Variants in ELFN2 observed in about 807,000 individuals in gnomAD.
ELFN2 encodes protein phosphatase 1 regulatory subunit 29.
Under a neutral mutation model 45.5 loss-of-function variants are expected in ELFN2, and 17 were observed. That is an observed-to-expected ratio of 0.37 (90% CI 0.26 to 0.56). The LOEUF (loss-of-function observed/expected upper bound fraction) is 0.56, where lower values mean the gene tolerates loss of function less well. Ranked by LOEUF, ELFN2 falls within the 20% of genes least tolerant of loss-of-function variation. The probability of loss-of-function intolerance (pLI) is 0.77; values close to 1 mark genes in which losing one functional copy is unlikely to be tolerated. For missense variants in ELFN2, 922 were observed against 1,183.2 expected (o/e 0.78, Z 3.24); for synonymous variants, 550 against 551.5 (o/e 1.00, Z 0.04).
At chr22:37,376,286 A>G (rs1311262456) in intron 2 of ELFN2, among the ~76,000 whole-genome samples, 1 of 152,054 alleles carries the variant, frequency 6.6e-6, no homozygotes, top group Admixed American at 6.5e-5. Flanking sequence ...ACAGGTGAGC[A>G]CAGGTGCAGA....
Position 37,421,500 on chromosome 22 carries a change from C to T in ELFN2, c.-613-3581G>A, listed in dbSNP as rs1487355410. On this transcript the variant is annotated intron_variant, in intron 1 of 2. Coordinates refer to ENST00000402918, the MANE Select transcript of ELFN2 (RefSeq NM_052906.5). ...CAGGTCACAAAGGGACAAGAATCAC[C>T]TGTCAAGCAAGCCCTACTGTGTGCA... Among the ~76,000 whole-genome samples, 8 of 152,182 alleles carry T rather than the reference C, an allele frequency of 5.3e-5. No individual in the cohort carries two copies. In the East Asian group the frequency reaches 1.5e-3, roughly 29 times the overall value.
rs529701060 is a variant in ELFN2, at chr22:37,406,903, C to T, written c.-463+10866G>A. Among the ~76,000 whole-genome samples, 5 of 152,348 alleles carry T rather than the reference C, an allele frequency of 3.3e-5. No homozygotes were observed. The South Asian group carries it at 1.0e-3, about 32-fold the overall frequency. Reference sequence around the variant, plus strand: ...AGTCCACTGGGCAAAGCAGGCAATGCACCCGTGGTCACCTGGACAGCCCCA... The same window carrying T: ...AGTCCACTGGGCAAAGCAGGCAATGTACCCGTGGTCACCTGGACAGCCCCA... On this transcript the variant is annotated intron_variant, in intron 2 of 2. Coordinates refer to ENST00000402918, the MANE Select transcript of ELFN2 (RefSeq NM_052906.5).
At chr22:37,365,916 A>T (rs1931195174), downstream of ELFN2, among the ~76,000 whole-genome samples, 1 of 152,254 alleles carries the variant, frequency 6.6e-6, no homozygotes, top group South Asian at 2.1e-4. Context: ...GAGCACGTGT[A>T]GCGTTTCAGG....
chr22:37,358,867 C>G (rs1231916441), intron 1 of ELFN2, among the ~76,000 whole-genome samples: 1 of 152,152 alleles, frequency 6.6e-6, no homozygotes, highest in Non-Finnish European at 1.5e-5. Context: ...TTGTCAAGAT[C>G]AAGTCAGTAT....
At chr22:37,405,089 C>CTT (rs1491573989) in intron 2 of ELFN2, among the ~76,000 whole-genome samples, 2,721 of 121,292 alleles carry the variant, frequency 0.022, 285 homozygotes, top group African/African-American at 0.087. Flanking sequence ...TGAACCTCAG[C>CTT]ATTTTTTTTT....
Position 37,347,882 on chromosome 22 carries a change from C to T in ELFN2, n.149-5179G>A, listed in dbSNP as rs182827438. On this transcript the variant is annotated intron_variant and non_coding_transcript_variant, in intron 1 of 2. Transcript: ENST00000452946. The stretch of plus-strand genomic sequence containing the variant: ...TTCAACCCCTCTGATATTTGAACCC[C>T]TTTACAGTATCCTTGCCTACAGCTC... Among the ~76,000 whole-genome samples, 15 of 152,336 alleles carry T rather than the reference C, an allele frequency of 9.8e-5. No individual in the cohort carries two copies. In the East Asian group the frequency reaches 2.9e-3, roughly 29 times the overall value.
At chr22:37,408,634 C>T (rs1932568907) in intron 2 of ELFN2, among the ~76,000 whole-genome samples, 1 of 152,240 alleles carries the variant, frequency 6.6e-6, no homozygotes, top group Non-Finnish European at 1.5e-5. Context: ...GGGCACCCGC[C>T]TGAACCAGCT....
At chr22:37,408,800 C>T (rs888990515) in intron 2 of ELFN2, among the ~76,000 whole-genome samples, 1 of 152,202 alleles carries the variant, frequency 6.6e-6, no homozygotes, top group African/African-American at 2.4e-5. Context: ...GTTTCCCCAC[C>T]TGTCAAGTAG....
rs748721475 is a variant in ELFN2 at position 37,374,139 on chromosome 22, G to A, written c.1396C>T (p.Pro466Ser). The A allele has an allele frequency of 3.1e-6, 5 of 1,613,026 alleles. No individual in the cohort carries two copies. The highest frequency in any genetic ancestry group is 4.2e-6 in the Non-Finnish European group (5 of 1,180,014). Residue 466 changes from proline (P) to serine (S), a missense_variant, in exon 3 of 3, where the codon CCC (proline) becomes TCC (serine). Pro to Ser is a moderately conservative substitution (Grantham distance 74, BLOSUM62 -1). Transcript: ENST00000402918. ...GGGATGGAGGCCATGCGAGATACGGGCAGCACGGGAGGCTCGCCCAGCTTC... is the reference window on the plus strand; with the variant it reads ...GGGATGGAGGCCATGCGAGATACGGACAGCACGGGAGGCTCGCCCAGCTTC... Reference protein sequence around the residue: ...AQKLGEPPVLPVSRMASIPSM... With the variant: ...AQKLGEPPVLSVSRMASIPSM...
At chr22:37,415,919 T>C (rs566513454) in intron 2 of ELFN2, among the ~76,000 whole-genome samples, 159 of 152,276 alleles carry the variant, frequency 1.0e-3, no homozygotes, top group African/African-American at 3.3e-3. Flanking sequence ...GCAGAGATAG[T>C]GCCACTGCAC....
At chr22:37,380,640 G>A (rs915175132) in intron 2 of ELFN2, among the ~76,000 whole-genome samples, 1 of 152,162 alleles carries the variant, frequency 6.6e-6, no homozygotes, top group African/African-American at 2.4e-5. Flanking sequence ...GCTGGCCAAG[G>A]CTCCCGGAGG....
At chr22:37,361,786 T>A (rs1161039874) in intron 1 of ELFN2, among the ~76,000 whole-genome samples, 1 of 152,196 alleles carries the variant, frequency 6.6e-6, no homozygotes, top group Non-Finnish European at 1.5e-5. Flanking sequence ...CAAATGTACC[T>A]TCACGATGAC....
intron 2 of ELFN2, among the ~76,000 whole-genome samples, chr22:37,390,471 A>G (rs958722192): frequency 6.6e-6 from 1 of 152,172 alleles, no homozygotes; most frequent in Non-Finnish European, 1.5e-5. Context: ...GCTGGCAAAG[A>G]TTCTGCAGGC....
intron 2 of ELFN2, among the ~76,000 whole-genome samples, chr22:37,414,005 G>A (rs957121404): frequency 5.3e-5 from 8 of 152,196 alleles, no homozygotes; most frequent in African/African-American, 1.9e-4. Context: ...ACCTTACCCG[G>A]CCTCCCTGGC....
intron 2 of ELFN2, among the ~76,000 whole-genome samples, chr22:37,402,559 G>T (rs1001868835): frequency 6.6e-6 from 1 of 152,202 alleles, no homozygotes; most frequent in Non-Finnish European, 1.5e-5. Flanking sequence ...GGAAACCGAG[G>T]CTCATGAGGG....
chr22:37,372,789 C>G lies in ELFN2; in HGVS notation c.*283G>C, dbSNP rs1931409238. 1 of 353,332 alleles carries G rather than the reference C, an allele frequency of 2.8e-6. No homozygotes were observed. Among genetic ancestry groups the G allele is most frequent in the Admixed American group, 4.6e-5 (1 of 21,972 alleles). 21.9% of individuals were successfully genotyped at this position (353,332 alleles called of 1,614,324 possible). On this transcript the variant is annotated 3_prime_UTR_variant, in exon 3 of 3. Transcript: ENST00000402918. This position sits in a 1 kb window ranked among gnomAD's most constrained non-coding sequence, Gnocchi z 4.4. ...AGCCCCCCGGCCCTGCACACCCCAGCAGAGTCCCTGGGCAGCACAGTAAAG... is the reference window on the plus strand; with the variant it reads ...AGCCCCCCGGCCCTGCACACCCCAGGAGAGTCCCTGGGCAGCACAGTAAAG...
rs548845834 is a variant in ELFN2, at chr22:37,360,462, C to G, written n.149-17759G>C. ...CTCTTGTGAGGTGGCACTGGAAGCT[C>G]TGTGTGTGAGCACAGTGCGGACACA... On this transcript the variant is annotated intron_variant and non_coding_transcript_variant, in intron 1 of 2. Transcript: ENST00000452946. 3.9e-5 allele frequency among the ~76,000 whole-genome samples: 6 copies of G among 152,364 alleles called. No homozygotes were observed. In the South Asian group the frequency reaches 1.2e-3, roughly 32 times the overall value.
chr22:37,393,262 C>T (rs1932128616), intron 2 of ELFN2, among the ~76,000 whole-genome samples: 1 of 152,236 alleles, frequency 6.6e-6, no homozygotes, highest in Non-Finnish European at 1.5e-5. Context: ...TTTTCTTGGA[C>T]TCACGTAATC....
intron 1 of ELFN2, among the ~76,000 whole-genome samples, chr22:37,345,650 C>T (rs1930679650): frequency 1.3e-5 from 2 of 151,114 alleles, no homozygotes; most frequent in Non-Finnish European, 2.9e-5. Context: ...CAGGTTCAAG[C>T]AATTCTCCTG....
Sources: gnomAD v4.1 joint callset for allele counts (sites outside exome capture counted in the v4.1 genomes callset) on GRCh38, gnomAD v4.1.1 for gene constraint, Gnocchi (gnomAD v3.1) non-coding constraint, MANE v1.5 for transcripts, NCBI Gene and HGNC (gene_info 2026-07-23, HGNC 2026-07-21) for gene names.